Variants in CNTN5 observed in about 807,000 individuals in gnomAD.
The protein encoded by CNTN5 is contactin 5.
CNTN5 carries 77 observed loss-of-function variants against 129.1 expected under a neutral mutation model. The ratio of observed to expected loss-of-function variants is 0.60; its 90% CI spans 0.50 to 0.72. The LOEUF (loss-of-function observed/expected upper bound fraction) is 0.72, where lower values mean the gene tolerates loss of function less well. CNTN5 is among the 30% of genes least tolerant of loss of function. CNTN5 has a pLI of 0.00. For synonymous variants in CNTN5, 509 were observed against 465.6 expected, an observed-to-expected ratio of 1.09 and a Z score of -1.20; for missense variants, 1,478 against 1,328.8, an observed-to-expected ratio of 1.11 and a Z score of -1.75.
At chr11:99,853,036 C>T (rs915047424) in intron 6 of CNTN5, among the ~76,000 whole-genome samples, 6 of 151,834 alleles carry the variant, frequency 4.0e-5, no homozygotes, top group African/African-American at 9.7e-5. Context: ...TATAAAGACA[C>T]CAATATAGTA....
intron 13 of CNTN5, among the ~76,000 whole-genome samples, chr11:100,099,402 A>G (rs1945140849): frequency 6.6e-6 from 1 of 152,038 alleles, no homozygotes. Context: ...CTATGTGACT[A>G]GCTATTGGTG....
intron 16 of CNTN5, among the ~76,000 whole-genome samples, chr11:100,239,430 A>G (rs1355254460): frequency 6.6e-6 from 1 of 152,200 alleles, no homozygotes; most frequent in Non-Finnish European, 1.5e-5. Context: ...CATCAGGTTT[A>G]TATCACATAA....
chr11:99,772,650 A>C (rs76429902), intron 3 of CNTN5, among the ~76,000 whole-genome samples: 5,463 of 152,222 alleles, frequency 0.036, 142 homozygotes, highest in South Asian at 0.099. Flanking sequence ...TTGTTTTGCT[A>C]AATAAATATT....
At chr11:100,201,536 A>G (rs180852253) in intron 15 of CNTN5, among the ~76,000 whole-genome samples, 43 of 152,084 alleles carry the variant, frequency 2.8e-4, no homozygotes, top group Middle Eastern at 3.4e-3. Context: ...ATTCAACTTT[A>G]CACATAATCG....
intron 16 of CNTN5, among the ~76,000 whole-genome samples, chr11:100,246,248 A>T (rs1591433220): frequency 2.0e-5 from 3 of 152,116 alleles, no homozygotes; most frequent in Admixed American, 2.0e-4. Context: ...CACCCTATGT[A>T]TTTTTCACAA....
intron 3 of CNTN5, among the ~76,000 whole-genome samples, chr11:99,645,740 T>G (rs544440470): frequency 6.6e-6 from 1 of 151,154 alleles, no homozygotes; most frequent in Non-Finnish European, 1.5e-5. Flanking sequence ...TAAGTGGTAG[T>G]TGAACAATGA....
chr11:100,243,094 A>C (rs1258899635), intron 16 of CNTN5, among the ~76,000 whole-genome samples: 1 of 152,154 alleles, frequency 6.6e-6, no homozygotes, highest in Non-Finnish European at 1.5e-5. Context: ...GCTGCATCCT[A>C]CTTTCCACCT....
At chr11:99,473,738 A>G (rs145763024) in intron 2 of CNTN5, among the ~76,000 whole-genome samples, 170 of 152,172 alleles carry the variant, frequency 1.1e-3, no homozygotes, top group African/African-American at 3.8e-3. Context: ...ACTCTAATTC[A>G]CAGATAGTTT....
intron 2 of CNTN5, among the ~76,000 whole-genome samples, chr11:99,491,147 G>A (rs1946019566): frequency 6.6e-6 from 1 of 152,078 alleles, no homozygotes; most frequent in South Asian, 2.1e-4. Flanking sequence ...GCAAAGAAGG[G>A]GATATTGGGG....
chr11:100,108,643 C>G (rs985840151), intron 13 of CNTN5, among the ~76,000 whole-genome samples: 1 of 152,134 alleles, frequency 6.6e-6, no homozygotes, highest in Non-Finnish European at 1.5e-5. Flanking sequence ...TATATGTTCT[C>G]ATACATGCCC....
At chr11:99,902,610 T>A (rs945014516) in intron 6 of CNTN5, among the ~76,000 whole-genome samples, 2 of 152,196 alleles carry the variant, frequency 1.3e-5, no homozygotes, top group Admixed American at 1.3e-4. Flanking sequence ...AGACTACTAG[T>A]ACATTGGGCT....
At chr11:99,874,961 A>G (rs1028048628) in intron 6 of CNTN5, among the ~76,000 whole-genome samples, 1 of 152,140 alleles carries the variant, frequency 6.6e-6, no homozygotes, top group South Asian at 2.1e-4. Context: ...CCACAAAGTT[A>G]AAATTCATCA....
intron 7 of CNTN5, among the ~76,000 whole-genome samples, chr11:99,940,206 C>G (rs1431525810): frequency 6.6e-6 from 1 of 152,044 alleles, no homozygotes; most frequent in Non-Finnish European, 1.5e-5. Context: ...GTCAAGGGTG[C>G]TGAGATTGAG....
intron 2 of CNTN5, among the ~76,000 whole-genome samples, chr11:99,390,158 C>T (rs1941183055): frequency 6.6e-6 from 1 of 150,790 alleles, no homozygotes; most frequent in Non-Finnish European, 1.5e-5. Context: ...GTCTCTGTTG[C>T]CCAGGTTCGA....
chr11:100,078,397 A>G (rs758164609), intron 13 of CNTN5, among the ~76,000 whole-genome samples: 8 of 152,168 alleles, frequency 5.3e-5, no homozygotes, highest in Non-Finnish European at 8.8e-5. Context: ...TAAAATATAC[A>G]AGAAAATGGA....
intron 2 of CNTN5, among the ~76,000 whole-genome samples, chr11:99,484,932 T>C (rs6590150): frequency 0.58 from 87,514 of 151,708 alleles, 25,589 homozygotes; most frequent in South Asian, 0.67. Context: ...GAGGGGAGCA[T>C]TGGGAGAGAT....
intron 3 of CNTN5, among the ~76,000 whole-genome samples, chr11:99,753,275 A>C (rs560410448): frequency 6.6e-6 from 1 of 151,580 alleles, no homozygotes; most frequent in Non-Finnish European, 1.5e-5. Flanking sequence ...GGTGCCCGCC[A>C]CCATGCCCGG....
At chr11:99,510,700 C>G (rs373011482) in intron 2 of CNTN5, among the ~76,000 whole-genome samples, 1 of 152,078 alleles carries the variant, frequency 6.6e-6, no homozygotes, top group Non-Finnish European at 1.5e-5. Flanking sequence ...CATTATTCAA[C>G]GTTTATGGTG....
At chr11:99,352,905 G>A (rs1938396124) in intron 2 of CNTN5, among the ~76,000 whole-genome samples, 1 of 152,104 alleles carries the variant, frequency 6.6e-6, no homozygotes, top group South Asian at 2.1e-4. Flanking sequence ...GTGTTTTCCT[G>A]ACTGTCAATG....
Sources: allele counts gnomAD v4.1 joint callset (sites outside exome capture counted in the v4.1 genomes callset), GRCh38; gene constraint gnomAD v4.1.1; transcripts MANE v1.5; gene names NCBI Gene and HGNC (gene_info 2026-07-23, HGNC 2026-07-21).